KCNIP4: variants seen among roughly 807,000 people sequenced by gnomAD.
KCNIP4 encodes potassium voltage-gated channel interacting protein 4.
In KCNIP4, 12 loss-of-function variants were observed where a neutral mutation model predicts 34.0. The ratio of observed to expected loss-of-function variants is 0.35; its 90% CI spans 0.23 to 0.57. The LOEUF (loss-of-function observed/expected upper bound fraction) is 0.57. KCNIP4 is among the 20% of genes least tolerant of loss of function. The pLI is 0.83. For synonymous variants in KCNIP4, 124 were observed against 102.2 expected (o/e 1.21, Z -1.29); for missense variants, 238 against 311.7 (o/e 0.76, Z 1.78).
chr4:21,007,696 C>T (rs551065425), intron 1 of KCNIP4, among the ~76,000 whole-genome samples: 1 of 152,232 alleles, frequency 6.6e-6, no homozygotes, highest in African/African-American at 2.4e-5. Flanking sequence ...AATTTAATGG[C>T]GCTCTGAATA....
chr4:21,605,550 G>A (rs1021830408), intron 1 of KCNIP4, among the ~76,000 whole-genome samples: 3 of 151,814 alleles, frequency 2.0e-5, no homozygotes, highest in African/African-American at 4.8e-5. Context: ...GCGTGATCTC[G>A]GCTCATTGCA....
chr4:21,303,752 C>T (rs745647930), intron 1 of KCNIP4: 1 of 1,416,388 alleles, frequency 7.1e-7, no homozygotes, highest in Non-Finnish European at 1.0e-6. Flanking sequence ...TCACCTAAGA[C>T]ATTTTCATTG....
chr4:20,927,835 AT>A (rs757278934), intron 1 of KCNIP4, among the ~76,000 whole-genome samples: 38 of 152,108 alleles, frequency 2.5e-4, no homozygotes, highest in Non-Finnish European at 5.0e-4. Context: ...ATTTATCTAG[AT>A]TTTTTAAGTG....
intron 1 of KCNIP4, among the ~76,000 whole-genome samples, chr4:21,430,834 A>G (rs1035626547): frequency 1.1e-4 from 16 of 139,204 alleles, no homozygotes; most frequent in Non-Finnish European, 2.3e-4. Flanking sequence ...TTTCACCCAC[A>G]CTATACTGCT....
chr4:21,436,532 G>A (rs546748757), intron 1 of KCNIP4, among the ~76,000 whole-genome samples: 154 of 152,080 alleles, frequency 1.0e-3, no homozygotes, highest in African/African-American at 3.2e-3. Context: ...TTCCCTTCTC[G>A]CCACATCTCC....
At chr4:21,350,576 GC>G (rs1458663831) in intron 1 of KCNIP4, among the ~76,000 whole-genome samples, 2 of 152,180 alleles carry the variant, frequency 1.3e-5, no homozygotes, top group African/African-American at 2.4e-5. Context: ...TGATTATTAT[GC>G]CCAGTATAAA....
chr4:21,591,272 GA>G (rs1742197326), intron 1 of KCNIP4, among the ~76,000 whole-genome samples: 1 of 151,780 alleles, frequency 6.6e-6, no homozygotes, highest in South Asian at 2.1e-4. Context: ...GGTCAAAAAA[GA>G]AAATGGCCTA....
intron 1 of KCNIP4, among the ~76,000 whole-genome samples, chr4:21,070,105 G>A (rs1185338065): frequency 1.3e-5 from 2 of 152,144 alleles, no homozygotes; most frequent in Non-Finnish European, 2.9e-5. Flanking sequence ...GACCTTTCAA[G>A]ATTGGAGTTT....
chr4:20,822,183 A>G (rs565777277), intron 3 of KCNIP4, among the ~76,000 whole-genome samples: 15 of 152,210 alleles, frequency 9.9e-5, no homozygotes, highest in Non-Finnish European at 1.9e-4. Flanking sequence ...AAGGACTAAT[A>G]TCCAGAATCT....
chr4:21,823,185 G>A (rs904698637), intron 1 of KCNIP4, among the ~76,000 whole-genome samples: 1 of 151,824 alleles, frequency 6.6e-6, no homozygotes, highest in African/African-American at 2.4e-5. Context: ...GTTCAAACTT[G>A]ATTAGAAAGA....
At chr4:21,821,619 T>C (rs538109815) in intron 1 of KCNIP4, among the ~76,000 whole-genome samples, 7 of 152,134 alleles carry the variant, frequency 4.6e-5, no homozygotes, top group Non-Finnish European at 8.8e-5. Flanking sequence ...GAATAAACTC[T>C]TCATTGCAGA....
intron 1 of KCNIP4, among the ~76,000 whole-genome samples, chr4:21,227,486 T>C (rs1758486591): frequency 6.6e-6 from 1 of 152,132 alleles, no homozygotes; most frequent in Non-Finnish European, 1.5e-5. Context: ...TCCAAGAGTT[T>C]TTTTGAAGCA....
At chr4:21,853,629 A>G (rs1338893223) in intron 1 of KCNIP4, among the ~76,000 whole-genome samples, 2 of 152,214 alleles carry the variant, frequency 1.3e-5, no homozygotes, top group African/African-American at 4.8e-5. Context: ...TTGGAAGGAT[A>G]CAACAGAAAC....
intron 1 of KCNIP4, among the ~76,000 whole-genome samples, chr4:21,205,928 C>G (rs1029921943): frequency 1.3e-5 from 2 of 152,188 alleles, no homozygotes; most frequent in African/African-American, 4.8e-5. Context: ...ATATAACATC[C>G]GTGACATCGA....
At chr4:20,737,823 A>G (rs1450088766) in intron 5 of KCNIP4, among the ~76,000 whole-genome samples, 1 of 152,236 alleles carries the variant, frequency 6.6e-6, no homozygotes, top group African/African-American at 2.4e-5. Flanking sequence ...CCTTGGAGGT[A>G]TGAGTGTACA....
intron 3 of KCNIP4, among the ~76,000 whole-genome samples, chr4:20,769,068 C>G (rs1405400912): frequency 2.9e-5 from 3 of 103,608 alleles, no homozygotes; most frequent in African/African-American, 1.2e-4. Flanking sequence ...ATGAGATTTA[C>G]AGCCAAAAAA....
intron 2 of KCNIP4, among the ~76,000 whole-genome samples, chr4:20,875,112 A>T (rs111359197): frequency 6.6e-6 from 1 of 152,286 alleles, no homozygotes; most frequent in African/African-American, 2.4e-5. Flanking sequence ...AAAAAAAAAA[A>T]ACTCATTCAA....
intron 1 of KCNIP4, among the ~76,000 whole-genome samples, chr4:21,406,572 G>C (rs1413776030): frequency 6.6e-6 from 1 of 152,076 alleles, no homozygotes; most frequent in Non-Finnish European, 1.5e-5. Flanking sequence ...TGACAAAATG[G>C]GAGAGATACA....
chr4:21,327,001 T>C (rs1472386733), intron 1 of KCNIP4, among the ~76,000 whole-genome samples: 1 of 152,058 alleles, frequency 6.6e-6, no homozygotes, highest in African/African-American at 2.4e-5. Flanking sequence ...TTGTATTGTG[T>C]CTTAAAAAGT....
Sources: gnomAD v4.1 joint callset for allele counts (sites outside exome capture counted in the v4.1 genomes callset) on GRCh38, gnomAD v4.1.1 for gene constraint, MANE v1.5 for transcripts, NCBI Gene and HGNC (gene_info 2026-07-23, HGNC 2026-07-21) for gene names.